TPP2: variants seen among roughly 807,000 people sequenced by gnomAD.
The protein encoded by TPP2 is tripeptidyl peptidase 2.
A neutral mutation model predicts 155.9 loss-of-function variants in TPP2; 34 were observed. That is an observed-to-expected ratio of 0.22 (90% confidence interval 0.17 to 0.29). The LOEUF is 0.29. TPP2 is among the 10% of genes least tolerant of loss of function. The pLI is 1.00. For synonymous variants in TPP2, 510 were observed against 529.4 expected, an observed-to-expected ratio of 0.96 and a Z score of 0.50; for missense variants, 1,028 against 1,522.3, an observed-to-expected ratio of 0.68 and a Z score of 5.40.
intron 5 of TPP2, among the ~76,000 whole-genome samples, chr13:102,621,544 C>A (rs912264237): frequency 2.0e-5 from 3 of 151,862 alleles, no homozygotes; most frequent in Non-Finnish European, 4.4e-5. Context: ...TTTGGTGTGG[C>A]CACAGAGGAT....
chr13:102,634,172 A>G, intron 11 of TPP2, 74 bp downstream of exon 11: 1 of 1,585,612 alleles, frequency 6.3e-7, no homozygotes. Flanking sequence ...CATGGTAAGA[A>G]CATGTGGTAG....
chr13:102,632,698 C>G (rs538372363), intron 10 of TPP2, among the ~76,000 whole-genome samples: 7 of 152,290 alleles, frequency 4.6e-5, no homozygotes, highest in African/African-American at 1.7e-4. Flanking sequence ...AATGCTCATT[C>G]TGAACACCAT....
At chr13:102,643,131 A>G in intron 16 of TPP2, 91 bp from the exon 17 acceptor site, 1 of 1,217,062 alleles carries the variant, frequency 8.2e-7, no homozygotes, top group Non-Finnish European at 1.1e-6. Context: ...CCTACATGGG[A>G]ATTATCCCTA....
At chr13:102,625,955 G>A (rs1881590537) in intron 6 of TPP2, among the ~76,000 whole-genome samples, 1 of 152,058 alleles carries the variant, frequency 6.6e-6, no homozygotes, top group African/African-American at 2.4e-5. Flanking sequence ...CTAGTTTTTT[G>A]TTTTAGTATT....
chr13:102,664,728 G>A, intron 26 of TPP2, 67 bp from the exon 27 acceptor site: 4 of 1,502,010 alleles, frequency 2.7e-6, no homozygotes, highest in Non-Finnish European at 3.6e-6. Context: ...TGAGACAGCA[G>A]AAGTGAAATT....
intron 27 of TPP2, among the ~76,000 whole-genome samples, chr13:102,670,178 G>A (rs1392125664): frequency 6.6e-6 from 1 of 150,560 alleles, no homozygotes; most frequent in Non-Finnish European, 1.5e-5. Flanking sequence ...GGGTGGGGGG[G>A]TGTGGCGGTG....
At chr13:102,604,752 C>A (rs375314728) in intron 1 of TPP2, 41 bp from the exon 2 acceptor site, 359 of 1,592,502 alleles carry the variant, frequency 2.3e-4, no homozygotes, top group Non-Finnish European at 3.0e-4. Context: ...GAATAAAAAC[C>A]TAAAATCTAC....
chr13:102,643,126 A>T, intron 16 of TPP2, 96 bp from the exon 17 acceptor site: 2 of 1,164,786 alleles, frequency 1.7e-6, no homozygotes, highest in Non-Finnish European at 2.3e-6. Context: ...ATGTCCCTAC[A>T]TGGGAATTAT....
rs1261738414 is a variant in TPP2 at position 102,649,322 on chromosome 13, G to A, written c.2874-86G>A. 3 of 1,482,892 alleles carry A rather than the reference G, an allele frequency of 2.0e-6. No homozygotes were observed. In the African/African-American group the frequency reaches 4.3e-5, roughly 21 times the overall value. The allele number at this position is 1,482,892 out of a possible 1,614,324, so 91.9% of individuals were successfully genotyped here. On this transcript the variant is annotated intron_variant, in intron 22 of 29. Transcript: ENST00000376052. ...TAGCTATGGGAATGAATTCAGTGTG[G>A]AATTGTTTTCATGTTTTTCCCCTTA... is the stretch of plus-strand genomic sequence containing the variant.
At chr13:102,638,662 C>G (rs927730532) in intron 15 of TPP2, among the ~76,000 whole-genome samples, 2 of 152,238 alleles carry the variant, frequency 1.3e-5, no homozygotes, top group African/African-American at 4.8e-5. Context: ...CCCCTCCATT[C>G]CTGCCCTTTT....
intron 27 of TPP2, 29 bp from the exon 28 acceptor site, chr13:102,674,254 T>C (rs1179467463): frequency 2.5e-6 from 4 of 1,589,920 alleles, no homozygotes; most frequent in East Asian, 2.2e-5. Context: ...TTTACTGATA[T>C]CTGAAATATT....
At chr13:102,631,698 A>T (rs1038592243) in intron 10 of TPP2, among the ~76,000 whole-genome samples, 1 of 152,240 alleles carries the variant, frequency 6.6e-6, no homozygotes, top group African/African-American at 2.4e-5. Context: ...ATTAAAGTAG[A>T]TACTGATTCA....
chr13:102,602,543 A>G (rs1595127010), intron 1 of TPP2, among the ~76,000 whole-genome samples: 1 of 152,186 alleles, frequency 6.6e-6, no homozygotes, highest in African/African-American at 2.4e-5. Context: ...TCAGGCCCTC[A>G]GTTGTTCCAT....
At chr13:102,636,788 A>AT (rs1272253806) in intron 13 of TPP2, among the ~76,000 whole-genome samples, 3 of 152,204 alleles carry the variant, frequency 2.0e-5, no homozygotes, top group Admixed American at 2.0e-4. Context: ...AATCATCGCT[A>AT]TTATCTGGCT....
intron 16 of TPP2, among the ~76,000 whole-genome samples, chr13:102,642,063 A>G (rs1882804000): frequency 6.6e-6 from 1 of 152,200 alleles, no homozygotes; most frequent in Admixed American, 6.5e-5. Context: ...ACTCTGCCAT[A>G]CGCTAATGGT....
At chr13:102,656,576 A>G (rs555392773) in intron 24 of TPP2, among the ~76,000 whole-genome samples, 25 of 152,172 alleles carry the variant, frequency 1.6e-4, no homozygotes, top group African/African-American at 5.8e-4. Context: ...TTCTTTACCT[A>G]TTCTAGCATT....
intron 2 of TPP2, chr13:102,607,630 AG>A (rs2139420943): frequency 2.2e-6 from 1 of 447,400 alleles, no homozygotes; most frequent in East Asian, 7.3e-5. Flanking sequence ...TCTGTCGCCC[AG>A]GTTGAAGTAC....
At chr13:102,611,051 A>G (rs1160658647) in intron 2 of TPP2, among the ~76,000 whole-genome samples, 2 of 152,232 alleles carry the variant, frequency 1.3e-5, no homozygotes, top group South Asian at 2.1e-4. Context: ...CATTTCATTC[A>G]TAAAATTTCA....
intron 13 of TPP2, 26 bp downstream of exon 13, chr13:102,636,418 G>A: frequency 6.3e-7 from 1 of 1,594,494 alleles, no homozygotes; most frequent in Non-Finnish European, 8.5e-7. Context: ...GCAGTAAGCT[G>A]ACGTATTCAC....
Sources: gnomAD v4.1 joint callset for allele counts (sites outside exome capture counted in the v4.1 genomes callset) on GRCh38, gnomAD v4.1.1 for gene constraint, MANE v1.5 for transcripts, NCBI Gene and HGNC (gene_info 2026-07-23, HGNC 2026-07-21) for gene names.